Variants in EYA2 observed in about 807,000 individuals in gnomAD.
The protein encoded by EYA2 is protein phosphatase EYA2.
EYA2 carries 31 observed loss-of-function variants against 69.2 expected under a neutral mutation model. That is an observed-to-expected ratio of 0.45 (90% confidence interval 0.34 to 0.60). The LOEUF (loss-of-function observed/expected upper bound fraction) is 0.60. EYA2 is among the 20% of genes least tolerant of loss of function. The pLI, the probability that EYA2 is intolerant of heterozygous loss-of-function variation, is 0.02. For synonymous variants in EYA2, 257 were observed against 279.4 expected (o/e 0.92, Z 0.80); for missense variants, 622 against 701.2 (o/e 0.89, Z 1.28).
chr20:47,175,568 G>T (rs1443840477), intron 12 of EYA2, among the ~76,000 whole-genome samples: 1 of 152,192 alleles, frequency 6.6e-6, no homozygotes, highest in Non-Finnish European at 1.5e-5. Context: ...ACACAGGAAA[G>T]GTGCTCAGAA....
intron 1 of EYA2, among the ~76,000 whole-genome samples, chr20:46,975,124 G>A (rs1980384649): frequency 6.6e-6 from 1 of 152,150 alleles, no homozygotes; most frequent in African/African-American, 2.4e-5. Flanking sequence ...TGCCTATGAA[G>A]GAGCAGCACA....
At chr20:46,986,929 T>C (rs1981262766) in intron 1 of EYA2, among the ~76,000 whole-genome samples, 1 of 152,140 alleles carries the variant, frequency 6.6e-6, no homozygotes, top group South Asian at 2.1e-4. Flanking sequence ...GTCCAAACCA[T>C]ATCAGGGTGG....
intron 14 of EYA2, 22 bp downstream of exon 14, chr20:47,180,958 G>A (rs369481342): frequency 6.8e-6 from 11 of 1,611,892 alleles, no homozygotes; most frequent in Middle Eastern, 1.7e-4. Flanking sequence ...CCACACCTCG[G>A]CGGGGATACA....
intron 5 of EYA2, among the ~76,000 whole-genome samples, chr20:47,032,486 T>G (rs1205436299): frequency 6.6e-6 from 1 of 152,236 alleles, no homozygotes; most frequent in Non-Finnish European, 1.5e-5. Context: ...CTTATTTTTC[T>G]TCTCACCAGT....
At position 46,956,507 on chromosome 20, in the gene EYA2, A is replaced by G. The variant is rs1267407818; in HGVS notation, c.-10-33494A>G. The stretch of plus-strand genomic sequence containing the variant: ...TTCCATTGCATAGGTCTTTCTCCCT[A>G]TAGTGTCTCAGAGGCAAGTCCAATC... On this transcript the variant is annotated intron_variant, in intron 1 of 15. Coordinates refer to ENST00000327619, the MANE Select transcript of EYA2 (RefSeq NM_005244.5). 2.6e-5 allele frequency among the ~76,000 whole-genome samples: 4 copies of G among 152,254 alleles called. 1 individual carries two copies. Among genetic ancestry groups the G allele is most frequent in the African/African-American group, 9.6e-5 (4 of 41,530 alleles).
chr20:46,942,430 GGA>G (rs2146264230), intron 1 of EYA2, among the ~76,000 whole-genome samples: 1 of 152,118 alleles, frequency 6.6e-6, no homozygotes, highest in South Asian at 2.1e-4. Context: ...TTTTAGGGGG[GGA>G]AAACTCTCTT....
At chr20:46,933,739 T>C (rs781741902) in intron 1 of EYA2, among the ~76,000 whole-genome samples, 2 of 152,234 alleles carry the variant, frequency 1.3e-5, no homozygotes, top group African/African-American at 2.4e-5. Flanking sequence ...CGCAGGATCC[T>C]AGGGCCTTCC....
intron 9 of EYA2, among the ~76,000 whole-genome samples, chr20:47,140,167 C>T (rs756485381): frequency 2.6e-5 from 4 of 152,148 alleles, no homozygotes; most frequent in African/African-American, 9.7e-5. Context: ...TGTGATTGTG[C>T]AGAGGTGAAA....
rs73301789 is a variant in EYA2 at position 46,896,488 on chromosome 20, A to G, written c.-11+1501A>G. Among the ~76,000 whole-genome samples the G allele has an allele frequency of 5.6e-3, 847 of 152,046 alleles. 9 individuals carry two copies. The highest frequency in any genetic ancestry group is 0.019 in the African/African-American group (798 of 41,508). On this transcript the variant is annotated intron_variant, in intron 1 of 15. Coordinates refer to ENST00000327619, the MANE Select transcript of EYA2 (RefSeq NM_005244.5). ...AATCTTTGTGAAAGAATCTTTCACA[A>G]TTTTACTCGATAAATAAATGTTCAT...
At chr20:47,184,563 G>A (rs1430302895) in intron 15 of EYA2, among the ~76,000 whole-genome samples, 1 of 150,974 alleles carries the variant, frequency 6.6e-6, no homozygotes, top group African/African-American at 2.5e-5. Flanking sequence ...GCTATGGACA[G>A]GCACCACCAT....
At chr20:46,979,812 T>G (rs1333633419) in intron 1 of EYA2, 1 of 152,228 alleles carries the variant, frequency 6.6e-6, no homozygotes, top group East Asian at 1.9e-4. Context: ...CCTTTGTCTG[T>G]GTGCATGCAA....
At chr20:46,980,328 G>A (rs982257680) in intron 1 of EYA2, among the ~76,000 whole-genome samples, 3 of 152,150 alleles carry the variant, frequency 2.0e-5, no homozygotes, top group African/African-American at 4.8e-5. Flanking sequence ...TATAATTAGG[G>A]CCAGGTTAAG....
At chr20:47,012,060 AG>A (rs1983091765) in intron 4 of EYA2, among the ~76,000 whole-genome samples, 1 of 152,198 alleles carries the variant, frequency 6.6e-6, no homozygotes, top group South Asian at 2.1e-4. Flanking sequence ...CAACCGCTAC[AG>A]TATCTGTAGC....
At chr20:47,175,566 A>G (rs2034410121) in intron 12 of EYA2, among the ~76,000 whole-genome samples, 1 of 152,222 alleles carries the variant, frequency 6.6e-6, no homozygotes, top group African/African-American at 2.4e-5. Flanking sequence ...TCACACAGGA[A>G]AGGTGCTCAG....
At chr20:47,053,466 G>A (rs919074223) in intron 5 of EYA2, among the ~76,000 whole-genome samples, 4 of 151,904 alleles carry the variant, frequency 2.6e-5, no homozygotes, top group South Asian at 2.1e-4. Context: ...AGGAGTTCTC[G>A]ACCAGCCTGG....
At chr20:47,019,434 C>G (rs890471166) in intron 5 of EYA2, among the ~76,000 whole-genome samples, 1 of 152,130 alleles carries the variant, frequency 6.6e-6, no homozygotes, top group African/African-American at 2.4e-5. Context: ...AACACAAACA[C>G]ACAGAACGCT....
intron 9 of EYA2, among the ~76,000 whole-genome samples, chr20:47,103,498 G>A (rs1480651225): frequency 1.3e-5 from 2 of 152,238 alleles, no homozygotes; most frequent in African/African-American, 2.4e-5. Context: ...AAGGAAATAG[G>A]TTAAATCATC....
In EYA2 at chr20:47,089,387, C is replaced by A. The variant is rs768958164; in HGVS notation, c.804+6C>A. ...CAGGGGACAATGAGATTGAGGTAATCCAAAGGGGCTCTGTGTGACCTGGTG... is the reference window on the plus strand; with the variant it reads ...CAGGGGACAATGAGATTGAGGTAATACAAAGGGGCTCTGTGTGACCTGGTG... On this transcript the variant is annotated splice_donor_region_variant and intron_variant, in intron 8 of 15. Transcript: ENST00000327619. 16 of 1,610,498 alleles carry A rather than the reference C, an allele frequency of 9.9e-6. No homozygotes were observed. In the South Asian group the frequency reaches 1.7e-4, roughly 17 times the overall value.
intron 1 of EYA2, among the ~76,000 whole-genome samples, chr20:46,963,281 C>A (rs1979581365): frequency 6.6e-6 from 1 of 152,220 alleles, no homozygotes; most frequent in African/African-American, 2.4e-5. Context: ...CCTCTCTTAT[C>A]CCTCCTGCAG....
Sources: gnomAD v4.1 joint callset for allele counts (sites outside exome capture counted in the v4.1 genomes callset) on GRCh38, gnomAD v4.1.1 for gene constraint, MANE v1.5 for transcripts, NCBI Gene and HGNC (gene_info 2026-07-23, HGNC 2026-07-21) for gene names.